Variants in AGBL1 observed in about 807,000 individuals in gnomAD.
AGBL1 encodes the protein cytosolic carboxypeptidase 4.
AGBL1 carries 130 observed loss-of-function variants against 118.9 expected under a neutral mutation model. That is an observed-to-expected ratio of 1.09 (90% CI 0.95 to 1.26). The LOEUF (loss-of-function observed/expected upper bound fraction) is 1.26, where lower values mean the gene tolerates loss of function less well. AGBL1 is among the 50% of genes most tolerant of loss of function. The pLI, the probability that AGBL1 is intolerant of heterozygous loss-of-function variation, is 0.00. For synonymous variants in AGBL1, 555 were observed against 478.9 expected (o/e 1.16, Z -2.08); for missense variants, 1,584 against 1,298.1 (o/e 1.22, Z -3.38).
At chr15:86,610,048 C>G (rs1026767480) in intron 21 of AGBL1, among the ~76,000 whole-genome samples, 1 of 152,202 alleles carries the variant, frequency 6.6e-6, no homozygotes, top group African/African-American at 2.4e-5. Context: ...CCCATCTCCA[C>G]CAATGGAACA....
At chr15:86,288,169 A>G (rs928534035) in intron 16 of AGBL1, among the ~76,000 whole-genome samples, 1 of 152,190 alleles carries the variant, frequency 6.6e-6, no homozygotes, top group Non-Finnish European at 1.5e-5. Flanking sequence ...CTAGATTTTG[A>G]TAATAAAGAA....
chr15:86,923,387 T>G (rs1423784517), intron 23 of AGBL1, among the ~76,000 whole-genome samples: 1 of 152,086 alleles, frequency 6.6e-6, no homozygotes, highest in Non-Finnish European at 1.5e-5. Flanking sequence ...TCAGGCAGAG[T>G]GGCCTATTCC....
intron 22 of AGBL1, among the ~76,000 whole-genome samples, chr15:86,747,638 C>G (rs913098694): frequency 2.0e-5 from 3 of 152,072 alleles, no homozygotes; most frequent in Admixed American, 2.0e-4. Context: ...CTCCCCACAC[C>G]CCACAACAGG....
chr15:86,681,372 A>G lies in AGBL1; in HGVS notation c.3158+6936A>G, dbSNP rs572114950. On this transcript the variant is annotated intron_variant, in intron 22 of 22. Transcript: ENST00000614907. Reference sequence around the variant, plus strand: ...TTGTACTATTGCCAGCTCACTTTCCATTTGGATCAGTTATCTTTTCATTTA... The same window carrying G: ...TTGTACTATTGCCAGCTCACTTTCCGTTTGGATCAGTTATCTTTTCATTTA... Among the ~76,000 whole-genome samples the G allele has an allele frequency of 1.7e-4, 26 of 152,186 alleles. 1 individual carries two copies. Among genetic ancestry groups the G allele is most frequent in the Non-Finnish European group, 2.2e-4 (15 of 68,002 alleles).
chr15:86,593,808 G>A (rs2084370600), intron 21 of AGBL1, among the ~76,000 whole-genome samples: 1 of 152,004 alleles, frequency 6.6e-6, no homozygotes, highest in South Asian at 2.1e-4. Flanking sequence ...TGTTACTGCA[G>A]ATTATATTTT....
At chr15:86,941,710 C>T (rs112606908) in intron 23 of AGBL1, among the ~76,000 whole-genome samples, 151 of 152,316 alleles carry the variant, frequency 9.9e-4, no homozygotes, top group African/African-American at 3.4e-3. Context: ...TTACTGGAGG[C>T]ACTCTACAAC....
At chr15:86,980,885 C>CT (rs36077192) in intron 23 of AGBL1, among the ~76,000 whole-genome samples, 3,003 of 118,944 alleles carry the variant, frequency 0.025, 159 homozygotes, top group East Asian at 0.063. Flanking sequence ...CAGAAACATC[C>CT]TTTTTTTTTT....
At chr15:86,663,300 T>C (rs1430321214) in intron 21 of AGBL1, among the ~76,000 whole-genome samples, 1 of 152,216 alleles carries the variant, frequency 6.6e-6, no homozygotes, top group Non-Finnish European at 1.5e-5. Context: ...TTGGTCGTTG[T>C]CCTTTTCATT....
At chr15:86,340,406 A>T (rs1174750374) in intron 17 of AGBL1, among the ~76,000 whole-genome samples, 1 of 152,118 alleles carries the variant, frequency 6.6e-6, no homozygotes. Context: ...TCCTAGGTTT[A>T]GTGTGGGCCT....
intron 1 of AGBL1, among the ~76,000 whole-genome samples, chr15:86,089,071 AAACCATCTTGG>A (rs1163875573): frequency 6.6e-6 from 1 of 152,230 alleles, no homozygotes; most frequent in East Asian, 1.9e-4. Flanking sequence ...TGTCATTTTG[AAACCATCTTGG>A]AAATAAAAAT....
At chr15:86,960,975 TCAGTTATAAGAC>T (rs2080987084) in intron 23 of AGBL1, among the ~76,000 whole-genome samples, 1 of 152,156 alleles carries the variant, frequency 6.6e-6, no homozygotes, top group South Asian at 2.1e-4. Context: ...CTCCAAACTT[TCAGTTATAAGAC>T]GACTAAGTTC....
chr15:86,442,216 T>C (rs933411463), intron 18 of AGBL1, among the ~76,000 whole-genome samples: 3 of 152,084 alleles, frequency 2.0e-5, no homozygotes, highest in African/African-American at 7.2e-5. Context: ...AAAACAAAAA[T>C]CCCTGGCTTT....
intron 22 of AGBL1, among the ~76,000 whole-genome samples, chr15:86,879,267 G>A (rs1361892563): frequency 6.6e-6 from 1 of 152,150 alleles, no homozygotes; most frequent in African/African-American, 2.4e-5. Context: ...CCAGGTCAAC[G>A]CAGGGCTAAG....
At chr15:86,268,389 C>T (rs1419108787) in intron 13 of AGBL1, among the ~76,000 whole-genome samples, 1 of 152,140 alleles carries the variant, frequency 6.6e-6, no homozygotes, top group Non-Finnish European at 1.5e-5. Context: ...ACTATTTCTT[C>T]TCTCCAGATA....
At chr15:86,277,652 T>C (rs928110549) in intron 15 of AGBL1, among the ~76,000 whole-genome samples, 1 of 152,226 alleles carries the variant, frequency 6.6e-6, no homozygotes, top group South Asian at 2.1e-4. Context: ...GTACTAATAG[T>C]GCAGTGGGGA....
chr15:86,634,096 C>T lies in AGBL1; in HGVS notation c.2995-40177C>T, dbSNP rs1462265630. 2.6e-5 allele frequency among the ~76,000 whole-genome samples: 4 copies of T among 151,978 alleles called. No individual in the cohort carries two copies. In the East Asian group the frequency reaches 7.8e-4, roughly 29 times the overall value. ...GGCAAGGACGTGGGGAAATTGGAGCCCTCATACTCTGATGGCGAGAATGTA... is the reference window on the plus strand; with the variant it reads ...GGCAAGGACGTGGGGAAATTGGAGCTCTCATACTCTGATGGCGAGAATGTA... On this transcript the variant is annotated intron_variant, in intron 21 of 22. Coordinates refer to ENST00000614907, the MANE Select transcript of AGBL1 (RefSeq NM_001386094.1).
At chr15:86,714,211 G>A (rs1307607923) in intron 22 of AGBL1, among the ~76,000 whole-genome samples, 1 of 152,198 alleles carries the variant, frequency 6.6e-6, no homozygotes, top group Non-Finnish European at 1.5e-5. Flanking sequence ...TACAACCCAT[G>A]TGCCGTTAAG....
chr15:86,786,591 T>C (rs992147737), intron 22 of AGBL1, among the ~76,000 whole-genome samples: 1 of 152,202 alleles, frequency 6.6e-6, no homozygotes, highest in Non-Finnish European at 1.5e-5. Context: ...ATCTTCCTCT[T>C]TGCAACCTAA....
intron 22 of AGBL1, among the ~76,000 whole-genome samples, chr15:86,791,871 G>T (rs2078498856): frequency 6.6e-6 from 1 of 151,800 alleles, no homozygotes; most frequent in African/African-American, 2.4e-5. Flanking sequence ...GGAGTAGCTG[G>T]GATTAAAGGT....
Sources: gnomAD v4.1 joint callset for allele counts (sites outside exome capture counted in the v4.1 genomes callset) on GRCh38, gnomAD v4.1.1 for gene constraint, MANE v1.5 for transcripts, NCBI Gene and HGNC (gene_info 2026-07-23, HGNC 2026-07-21) for gene names.